The following PXDNL variants were observed in gnomAD, a reference collection of about 807,000 sequenced individuals.
PXDNL encodes the protein probable oxidoreductase PXDNL.
PXDNL carries 145 observed loss-of-function variants against 150.8 expected under a neutral mutation model. The observed-to-expected ratio is 0.96, with a 90% confidence interval of 0.84 to 1.10. The LOEUF (loss-of-function observed/expected upper bound fraction) is 1.10, where lower values mean the gene tolerates loss of function less well. Among genes scored for constraint, PXDNL ranks in the 50% least tolerant of loss-of-function variants. The probability of loss-of-function intolerance (pLI) is 0.00; values close to 1 mark genes in which losing one functional copy is unlikely to be tolerated. For missense variants in PXDNL, 2,087 were observed against 1,873.9 expected, an observed-to-expected ratio of 1.11 and a Z score of -2.10; for synonymous variants, 757 against 725.7, an observed-to-expected ratio of 1.04 and a Z score of -0.69.
intron 12 of PXDNL, among the ~76,000 whole-genome samples, chr8:51,444,108 C>G (rs900161930): frequency 1.3e-5 from 2 of 152,244 alleles, no homozygotes; most frequent in African/African-American, 4.8e-5. Flanking sequence ...AATATTTCCC[C>G]CTGTTTCATC....
intron 17 of PXDNL, among the ~76,000 whole-genome samples, chr8:51,403,779 T>C (rs1419036404): frequency 6.6e-6 from 1 of 152,222 alleles, no homozygotes. Flanking sequence ...ATGGTATTAA[T>C]AAGCGGGGCC....
At chr8:51,700,673 TAAAC>T (rs1193414586) in intron 1 of PXDNL, among the ~76,000 whole-genome samples, 16 of 151,064 alleles carry the variant, frequency 1.1e-4, no homozygotes, top group African/African-American at 3.7e-4. Flanking sequence ...TAAACATACA[TAAAC>T]ACACACATGC....
At chr8:51,400,967 T>G (rs1213471617) in intron 17 of PXDNL, among the ~76,000 whole-genome samples, 1 of 152,206 alleles carries the variant, frequency 6.6e-6, no homozygotes, top group Non-Finnish European at 1.5e-5. Context: ...AAAATTAAAA[T>G]GAGTCTCACC....
At chr8:51,727,313 C>A (rs1181931016) in intron 1 of PXDNL, among the ~76,000 whole-genome samples, 2 of 152,136 alleles carry the variant, frequency 1.3e-5, no homozygotes, top group Non-Finnish European at 2.9e-5. Flanking sequence ...ACACTCAAAT[C>A]AAAGTAAAAG....
intron 17 of PXDNL, among the ~76,000 whole-genome samples, chr8:51,390,542 T>G (rs1722714600): frequency 6.6e-6 from 1 of 152,154 alleles, no homozygotes; most frequent in Non-Finnish European, 1.5e-5. Context: ...ATAAAGCCTT[T>G]AAAATATTTT....
chr8:51,378,544 G>C (rs555185046), intron 17 of PXDNL, among the ~76,000 whole-genome samples: 2 of 152,352 alleles, frequency 1.3e-5, no homozygotes, highest in South Asian at 2.1e-4. Context: ...GCCCCAGCCA[G>C]CAGTGGCAAT....
At chr8:51,351,912 T>C (rs1357558363) in intron 19 of PXDNL, among the ~76,000 whole-genome samples, 2 of 152,062 alleles carry the variant, frequency 1.3e-5, no homozygotes, top group African/African-American at 4.8e-5. Flanking sequence ...CAGGGGAATC[T>C]TTCTCCCTCC....
At chr8:51,565,321 AATAGATAG>A (rs367721031) in intron 3 of PXDNL, among the ~76,000 whole-genome samples, 10 of 135,596 alleles carry the variant, frequency 7.4e-5, no homozygotes, top group South Asian at 4.5e-4. Flanking sequence ...TAAATAAATA[AATAGATAG>A]ATAGATAGAT....
intron 3 of PXDNL, among the ~76,000 whole-genome samples, chr8:51,566,437 A>G (rs74355794): frequency 0.041 from 6,156 of 151,848 alleles, 257 homozygotes; most frequent in African/African-American, 0.11. Flanking sequence ...TCTGTTTTAG[A>G]AGGTTATTAA....
chr8:51,578,510 T>A (rs1425558113), intron 3 of PXDNL, among the ~76,000 whole-genome samples: 1 of 151,996 alleles, frequency 6.6e-6, no homozygotes, highest in Non-Finnish European at 1.5e-5. Flanking sequence ...ACCTTGTTCA[T>A]GAATTTAAAG....
intron 2 of PXDNL, among the ~76,000 whole-genome samples, chr8:51,648,285 G>A (rs1486072269): frequency 6.6e-6 from 1 of 152,162 alleles, no homozygotes; most frequent in African/African-American, 2.4e-5. Context: ...GGGATCTTCG[G>A]GGATGTGATT....
At chr8:51,780,734 A>G (rs1174707225) in intron 1 of PXDNL, among the ~76,000 whole-genome samples, 1 of 130,616 alleles carries the variant, frequency 7.7e-6, no homozygotes, top group African/African-American at 2.9e-5. Context: ...ATCTCAGCTC[A>G]TTGCAACCTC....
At chr8:51,385,298 A>C (rs1044863189) in intron 17 of PXDNL, among the ~76,000 whole-genome samples, 1 of 151,974 alleles carries the variant, frequency 6.6e-6, no homozygotes. Context: ...GACTCCCTAC[A>C]TCATAACCAC....
Position 51,644,318 on chromosome 8 carries a change from T to TTA in PXDNL, c.236+10369_236+10370dup, listed in dbSNP as rs1406776100. ...TAAACCCTGTAGCAAAGGCACATTT[T>TTA]TACATATATATATATATATACACAC... On this transcript the variant is annotated intron_variant, in intron 2 of 22. Transcript: ENST00000356297. Among the ~76,000 whole-genome samples, 325 of 63,294 alleles carry TTA rather than the reference T, an allele frequency of 5.1e-3. 53 individuals carry two copies. The highest frequency in any genetic ancestry group is 1.0e-2 in the South Asian group (13 of 1,302). The allele number at this position is 63,294 out of a possible 152,430, so 41.5% of individuals were successfully genotyped here.
chr8:51,657,046 G>T (rs1489704885), intron 1 of PXDNL, among the ~76,000 whole-genome samples: 3 of 152,164 alleles, frequency 2.0e-5, no homozygotes, highest in African/African-American at 7.2e-5. Flanking sequence ...AGTCAAAAAT[G>T]CATTTAATAC....
chr8:51,791,687 C>A (rs1029266064), intron 1 of PXDNL, among the ~76,000 whole-genome samples: 5 of 152,152 alleles, frequency 3.3e-5, no homozygotes, highest in African/African-American at 1.2e-4. Flanking sequence ...CATATAGCTC[C>A]CCCTTAGTAG....
intron 1 of PXDNL, among the ~76,000 whole-genome samples, chr8:51,768,379 C>T (rs1289951719): frequency 1.3e-5 from 2 of 151,868 alleles, no homozygotes; most frequent in African/African-American, 4.8e-5. Flanking sequence ...AGGTAAACAG[C>T]TAGTTGATAA....
chr8:51,670,914 C>T (rs888023154), intron 1 of PXDNL, among the ~76,000 whole-genome samples: 4 of 152,114 alleles, frequency 2.6e-5, no homozygotes, highest in African/African-American at 4.8e-5. Context: ...TAATTCTTAC[C>T]GATATCTTTT....
At chr8:51,733,436 C>G (rs1479505994) in intron 1 of PXDNL, among the ~76,000 whole-genome samples, 14 of 151,910 alleles carry the variant, frequency 9.2e-5, no homozygotes, top group Non-Finnish European at 1.8e-4. Flanking sequence ...CATATTCTTG[C>G]CATTTCTTGG....
Sources: allele counts gnomAD v4.1 joint callset (sites outside exome capture counted in the v4.1 genomes callset), GRCh38; gene constraint gnomAD v4.1.1; transcripts MANE v1.5; gene names NCBI Gene and HGNC (gene_info 2026-07-23, HGNC 2026-07-21).